The following WDR7 variants were observed in gnomAD, a reference collection of about 807,000 sequenced individuals.
The protein encoded by WDR7 is WD repeat domain 7, also known as WD repeat-containing protein 7.
WDR7 carries 46 observed loss-of-function variants against 169.4 expected under a neutral mutation model. The ratio of observed to expected loss-of-function variants is 0.27; its 90% confidence interval spans 0.21 to 0.35. The LOEUF (loss-of-function observed/expected upper bound fraction) is 0.35. WDR7 is among the 10% of genes least tolerant of loss of function. WDR7 has a pLI of 1.00. For missense variants in WDR7, 1,534 were observed against 1,859.3 expected (o/e 0.83, Z 3.22); for synonymous variants, 612 against 666.8 (o/e 0.92, Z 1.27).
intron 12 of WDR7, among the ~76,000 whole-genome samples, chr18:56,703,202 C>T (rs977975934): frequency 5.3e-5 from 8 of 152,226 alleles, no homozygotes; most frequent in South Asian, 2.1e-4. Flanking sequence ...ATTAGATTCC[C>T]GGCTCCTAGA....
intron 21 of WDR7, among the ~76,000 whole-genome samples, chr18:56,900,078 GTGTGTATA>G (rs58855364): frequency 0.46 from 56,892 of 124,364 alleles, 13,012 homozygotes; most frequent in East Asian, 0.67. Flanking sequence ...GTGTGTGTGT[GTGTGTATA>G]TATATATATA....
chr18:56,800,549 T>C (rs1366175432), intron 19 of WDR7, among the ~76,000 whole-genome samples: 1 of 152,150 alleles, frequency 6.6e-6, no homozygotes, highest in African/African-American at 2.4e-5. Flanking sequence ...TAAAAATAAA[T>C]ACATATAGAA....
At position 56,826,472 on chromosome 18, in the gene WDR7, TTCCC is replaced by T. The variant is rs1239124863; in HGVS notation, c.3304+10329_3304+10332del. ...ATTAAATTTACTATCATCTGTGACTTTCCCCATGATTTCTTGGTTTCAAGTCACT... is the reference window on the plus strand; with the variant it reads ...ATTAAATTTACTATCATCTGTGACTTCATGATTTCTTGGTTTCAAGTCACT... On this transcript the variant is annotated intron_variant, in intron 20 of 27. Transcript: ENST00000254442. Among the ~76,000 whole-genome samples the T allele has an allele frequency of 2.4e-4, 37 of 152,326 alleles. 1 individual carries two copies. In the South Asian group the frequency reaches 6.8e-3, roughly 28 times the overall value.
intron 20 of WDR7, among the ~76,000 whole-genome samples, chr18:56,868,076 T>C (rs777348789): frequency 4.6e-5 from 7 of 152,150 alleles, no homozygotes; most frequent in Non-Finnish European, 1.0e-4. Flanking sequence ...CAAGATACTA[T>C]GTTGCCCCTA....
intron 16 of WDR7, among the ~76,000 whole-genome samples, chr18:56,771,593 A>T (rs1405458905): frequency 6.7e-6 from 1 of 150,016 alleles, no homozygotes; most frequent in East Asian, 2.0e-4. Context: ...AGAAAAAAAA[A>T]AATACTGGCC....
At chr18:56,727,887 G>A (rs116352295) in intron 13 of WDR7, among the ~76,000 whole-genome samples, 1 of 152,084 alleles carries the variant, frequency 6.6e-6, no homozygotes, top group South Asian at 2.1e-4. Context: ...AACTTTTCCA[G>A]TTGTTCCACT....
intron 25 of WDR7, among the ~76,000 whole-genome samples, chr18:56,950,911 C>A (rs757448536): frequency 2.6e-5 from 4 of 152,172 alleles, no homozygotes; most frequent in Non-Finnish European, 4.4e-5. Context: ...TAGATGACGT[C>A]CTCTTAAATG....
intron 16 of WDR7, among the ~76,000 whole-genome samples, chr18:56,759,295 T>G (rs1414013980): frequency 9.9e-5 from 15 of 152,182 alleles, no homozygotes; most frequent in Admixed American, 5.2e-4. Flanking sequence ...TATAAATGCT[T>G]AAGTTCATAG....
intron 20 of WDR7, among the ~76,000 whole-genome samples, chr18:56,853,202 CT>C (rs2045668130): frequency 6.6e-6 from 1 of 152,066 alleles, no homozygotes; most frequent in Admixed American, 6.6e-5. Context: ...AAAACAGTAA[CT>C]GTTAACATAG....
At chr18:56,910,548 T>A (rs947753943) in intron 21 of WDR7, among the ~76,000 whole-genome samples, 10 of 152,172 alleles carry the variant, frequency 6.6e-5, no homozygotes, top group African/African-American at 2.4e-4. Flanking sequence ...TCTCCAAGCA[T>A]TTAATTTTTT....
intron 21 of WDR7, among the ~76,000 whole-genome samples, chr18:56,907,320 CA>C (rs11295799): frequency 0.82 from 124,271 of 152,026 alleles, 51,177 homozygotes; most frequent in East Asian, 0.98. Context: ...TGGTTGTGAT[CA>C]AAAATGGTTA....
chr18:56,667,073 A>G (rs905092033), intron 1 of WDR7, among the ~76,000 whole-genome samples: 1 of 152,124 alleles, frequency 6.6e-6, no homozygotes, highest in Non-Finnish European at 1.5e-5. Flanking sequence ...CTCTGGTATC[A>G]TTTTATGAAA....
chr18:56,823,747 C>A (rs972003731), intron 20 of WDR7, among the ~76,000 whole-genome samples: 2 of 152,178 alleles, frequency 1.3e-5, no homozygotes, highest in Non-Finnish European at 2.9e-5. Context: ...CACTTTTTAA[C>A]AATGTCCACA....
intron 14 of WDR7, 137 bp downstream of exon 14, chr18:56,731,734 T>C: frequency 1.3e-6 from 1 of 778,644 alleles, no homozygotes. Flanking sequence ...CATTTAGGTT[T>C]ATCCAACATG....
chr18:56,695,105 G>T lies in WDR7; in HGVS notation c.1264G>T (p.Val422Phe), dbSNP rs1231761480. 2.5e-6 allele frequency: 4 copies of T among 1,613,972 alleles called. No homozygotes were observed. The highest frequency in any genetic ancestry group is 2.5e-6 in the Non-Finnish European group (3 of 1,180,016). The change falls in exon 11 of 28, where the codon GTT becomes TTT. Residue 422 changes from valine to phenylalanine, a missense_variant. Transcript: ENST00000254442. ...SVYIPAHGRL[V>F]CGREDGSIVI... ...GTACATACCAGCACATGGACGACTTGTTTGTGGTCGTGAAGATGGAAGCAT... is the reference window on the plus strand; with the variant it reads ...GTACATACCAGCACATGGACGACTTTTTTGTGGTCGTGAAGATGGAAGCAT...
At chr18:56,872,409 AT>A (rs140853872) in intron 20 of WDR7, among the ~76,000 whole-genome samples, 47 of 152,172 alleles carry the variant, frequency 3.1e-4, no homozygotes, top group African/African-American at 1.1e-3. Context: ...CTTCTCAAAT[AT>A]TTTACCTGTA....
intron 22 of WDR7, among the ~76,000 whole-genome samples, chr18:56,927,475 C>T (rs2145657543): frequency 1.3e-5 from 2 of 152,112 alleles, no homozygotes; most frequent in South Asian, 4.2e-4. Flanking sequence ...ATTAACAGGG[C>T]ATGTGGCATA....
intron 21 of WDR7, among the ~76,000 whole-genome samples, chr18:56,912,225 C>T (rs2046562553): frequency 6.6e-6 from 1 of 152,028 alleles, no homozygotes; most frequent in Non-Finnish European, 1.5e-5. Context: ...GTGGTCAGGC[C>T]CAGAGGAGGC....
intron 19 of WDR7, 66 bp from the exon 20 acceptor site, chr18:56,815,965 C>G: frequency 7.4e-7 from 1 of 1,345,036 alleles, no homozygotes; most frequent in Non-Finnish European, 1.0e-6. Flanking sequence ...TAAAAATCTT[C>G]AAACTTTCTG....
Sources: allele counts gnomAD v4.1 joint callset (sites outside exome capture counted in the v4.1 genomes callset), GRCh38; gene constraint gnomAD v4.1.1; transcripts MANE v1.5; gene names NCBI Gene and HGNC (gene_info 2026-07-23, HGNC 2026-07-21).